UGT2B10: variants seen among roughly 807,000 people sequenced by gnomAD.
UGT2B10 encodes UDP glucuronosyltransferase family 2 member B10.
UGT2B10 carries 51 observed loss-of-function variants against 43.7 expected under a neutral mutation model. The observed-to-expected ratio is 1.17, with a 90% CI of 0.93 to 1.47. The LOEUF (loss-of-function observed/expected upper bound fraction) is 1.47. UGT2B10 is among the 40% of genes most tolerant of loss of function. The pLI is 0.00. For missense variants in UGT2B10, 696 were observed against 617.7 expected (o/e 1.13, Z -1.34); for synonymous variants, 225 against 209.0 (o/e 1.08, Z -0.66).
Position 68,830,629 on chromosome 4 carries a change from G to A in UGT2B10, c.1337G>A (p.Arg446Lys). Reference protein sequence around the residue: ...SYKENIMKLSRIQHDQPVKPL... With the variant: ...SYKENIMKLSKIQHDQPVKPL... Reference sequence around the variant, plus strand: ...AAAGAGAATATTATGAAATTATCAAGAATTCAACATGATCAACCAGTGAAG... The same window carrying A: ...AAAGAGAATATTATGAAATTATCAAAAATTCAACATGATCAACCAGTGAAG... Residue 446 changes from arginine (R) to lysine (K), a missense_variant, in exon 6 of 6, where the codon AGA (arginine) becomes AAA (lysine). Coordinates refer to ENST00000265403, the MANE Select transcript of UGT2B10 (RefSeq NM_001075.6). 6.2e-7 allele frequency: 1 copy of A among 1,612,712 alleles called. No homozygotes were observed. The highest frequency in any genetic ancestry group is 8.5e-7 in the Non-Finnish European group (1 of 1,179,306).
intron 5 of UGT2B10, among the ~76,000 whole-genome samples, 188 bp from the exon 6 acceptor site, chr4:68,830,412 T>C (rs1423355544): frequency 6.6e-6 from 1 of 152,024 alleles, no homozygotes; most frequent in Non-Finnish European, 1.5e-5. Context: ...AAAATATTTG[T>C]CAATGAGAAA....
rs1578269318 is a variant in UGT2B10 at position 68,823,875 on chromosome 4, T to C, written c.999+1473T>C. On this transcript the variant is annotated intron_variant, in intron 3 of 5. Transcript: ENST00000265403. Reference sequence around the variant, plus strand: ...AATAATATGACCAGGAATAAATTTATTTAAGAAATGTAGATGAAGTATCGA... The same window carrying C: ...AATAATATGACCAGGAATAAATTTACTTAAGAAATGTAGATGAAGTATCGA... Among the ~76,000 whole-genome samples, 3 of 152,226 alleles carry C rather than the reference T, an allele frequency of 2.0e-5. No individual in the cohort carries two copies. The East Asian group carries it at 5.8e-4, about 29-fold the overall frequency.
intron 5 of UGT2B10, among the ~76,000 whole-genome samples, chr4:68,829,724 A>G (rs138230926): frequency 0.023 from 3,436 of 152,110 alleles, 63 homozygotes; most frequent in Middle Eastern, 0.062. Flanking sequence ...TAAAATGTGT[A>G]AAGTGCTAAG....
intron 4 of UGT2B10, 27 bp from the exon 5 acceptor site, chr4:68,827,302 A>G: frequency 6.2e-7 from 1 of 1,612,256 alleles, no homozygotes; most frequent in Non-Finnish European, 8.5e-7. Flanking sequence ...CCTATGAATA[A>G]TTTTGCTAAA....
intron 4 of UGT2B10, among the ~76,000 whole-genome samples, chr4:68,827,100 T>G (rs899886559): frequency 6.6e-6 from 1 of 152,066 alleles, no homozygotes; most frequent in African/African-American, 2.4e-5. Flanking sequence ...CTCTTTTTCA[T>G]TAGTCCAACT....
At position 68,822,308 on chromosome 4, in the gene UGT2B10, G is replaced by A; in HGVS notation, c.905G>A (p.Gly302Asp). The A allele has an allele frequency of 6.2e-7, 1 of 1,613,244 alleles. No individual in the cohort carries two copies. The change falls in exon 3 of 6, where the codon GGT becomes GAT. Residue 302 changes from glycine to aspartate, a missense_variant. By Grantham distance (94) the Gly-to-Asp change is moderately conservative (BLOSUM62 -1). Transcript: ENST00000265403. ...TTTGTACAGAGCTCTGGAGAAAATG[G>A]TGTTGTGGTGTTTTCTCTGGGGTCA... is the stretch of plus-strand genomic sequence containing the variant. Reference protein sequence around the residue: ...EEFVQSSGENGVVVFSLGSMV... With the variant: ...EEFVQSSGENDVVVFSLGSMV...
chr4:68,822,615 T>C lies in UGT2B10; in HGVS notation c.999+213T>C, dbSNP rs113779452. On this transcript the variant is annotated intron_variant, in intron 3 of 5. Transcript: ENST00000265403. ...CCTGGGGTAGTTACTACCCTTGGTA[T>C]GCATGAGTGATTCCTATTAGCATCA... Among the ~76,000 whole-genome samples, 1,860 of 152,240 alleles carry C rather than the reference T, an allele frequency of 0.012. 96 individuals are homozygous for C. In the East Asian group the frequency reaches 0.18, roughly 15 times the overall value.
Position 68,831,048 on chromosome 4 carries a change from T to A in UGT2B10, c.*169T>A, listed in dbSNP as rs149891253. On this transcript the variant is annotated 3_prime_UTR_variant, in exon 6 of 6. Coordinates refer to ENST00000265403, the MANE Select transcript of UGT2B10 (RefSeq NM_001075.6). ...GTTTTTCAGAGATTTACCACCCAGTTAATGGTTAGAAATATTCTGTGGCAA... is the reference window on the plus strand; with the variant it reads ...GTTTTTCAGAGATTTACCACCCAGTAAATGGTTAGAAATATTCTGTGGCAA... 1.5e-3 allele frequency: 1,216 copies of A among 836,022 alleles called. 8 individuals carry two copies. In the African/African-American group the frequency reaches 0.019, roughly 13 times the overall value. The allele number at this position is 836,022 out of a possible 1,614,324, so 51.8% of individuals were successfully genotyped here. A position where few individuals can be genotyped will look rare whatever the true frequency, so the allele number is the denominator to read the frequency against.
At chr4:68,826,039 GT>G (rs1409049862) in intron 3 of UGT2B10, among the ~76,000 whole-genome samples, 2 of 151,988 alleles carry the variant, frequency 1.3e-5, no homozygotes, top group Non-Finnish European at 2.9e-5. Flanking sequence ...ATTCTGACTG[GT>G]GTGCGATGTT....
Position 68,817,365 on chromosome 4 carries a change from T to C in UGT2B10, c.718+628T>C, listed in dbSNP as rs1199525983. 2.0e-5 allele frequency among the ~76,000 whole-genome samples: 3 copies of C among 151,982 alleles called. No homozygotes were observed. The East Asian group carries it at 5.8e-4, about 29-fold the overall frequency. On this transcript the variant is annotated intron_variant, in intron 1 of 5. Transcript: ENST00000265403. The stretch of plus-strand genomic sequence containing the variant: ...AAGTGTGAAGGTTGTTATATCTATA[T>C]AGTTTATTTGAAACTATGTCTCTTT...
chr4:68,824,510 A>G (rs1379119794), intron 3 of UGT2B10, among the ~76,000 whole-genome samples: 1 of 152,162 alleles, frequency 6.6e-6, no homozygotes, highest in Non-Finnish European at 1.5e-5. Context: ...AGAACATAGT[A>G]GGAATATATT....
chr4:68,823,283 A>G (rs2054221), intron 3 of UGT2B10, among the ~76,000 whole-genome samples: 141,742 of 152,044 alleles, frequency 0.93, 66,891 homozygotes, highest in East Asian at 1. Context: ...CAAGGCGGGC[A>G]GATCACGAGG....
At chr4:68,825,480 T>C (rs1472400673) in intron 3 of UGT2B10, among the ~76,000 whole-genome samples, 1 of 152,048 alleles carries the variant, frequency 6.6e-6, no homozygotes, top group African/African-American at 2.4e-5. Flanking sequence ...CCTGATCCTC[T>C]CTTTCCTCCC....
chr4:68,822,542 A>G, intron 3 of UGT2B10, 140 bp downstream of exon 3: 2 of 1,536,300 alleles, frequency 1.3e-6, no homozygotes, highest in South Asian at 1.2e-5. Context: ...TATAGCATCC[A>G]CTGACAGAAG....
At position 68,816,676 on chromosome 4, in the gene UGT2B10, T is replaced by C; in HGVS notation, c.657T>C (p.Phe219=). 1 of 1,611,948 alleles carries C rather than the reference T, an allele frequency of 6.2e-7. No individual in the cohort carries two copies. Among genetic ancestry groups the C allele is most frequent in the Non-Finnish European group, 8.5e-7 (1 of 1,178,860 alleles). ...AAAATATGCTCTATGTGCTTTATTT[T>C]GACTTTTGGTTCCAAATATTTAATA... ...RVKNMLYVLY[F]DFWFQIFNMK... is the part of the protein sequence containing the mutation. Residue 219 remains phenylalanine, a synonymous_variant, in exon 1 of 6, where the codon TTT becomes TTC. Transcript: ENST00000265403.
chr4:68,830,713 A>G lies in UGT2B10; in HGVS notation c.1421A>G (p.His474Arg), dbSNP rs760192768. 2 of 1,613,458 alleles carry G rather than the reference A, an allele frequency of 1.2e-6. No homozygotes were observed. Among genetic ancestry groups the G allele is most frequent in the South Asian group, 1.1e-5 (1 of 91,076 alleles). The change falls in exon 6 of 6, where the codon CAT becomes CGT. Residue 474 changes from histidine to arginine, a missense_variant. His to Arg is a conservative substitution (Grantham distance 29). Transcript: ENST00000265403. ...GTCATGCGCCACAAAGGAGCCAAAC[A>G]TCTTCGAGTTGCAGCCCACAACCTC... ...EFVMRHKGAK[H>R]LRVAAHNLTW...
intron 2 of UGT2B10, among the ~76,000 whole-genome samples, chr4:68,821,929 T>C (rs1347323575): frequency 3.4e-5 from 5 of 147,642 alleles, no homozygotes; most frequent in Non-Finnish European, 6.1e-5. Context: ...CAAGGACTTA[T>C]AGTAGCAATT....
In UGT2B10 at chr4:68,818,191, C is replaced by T. The variant is rs755627195; in HGVS notation, c.867+14C>T. On this transcript the variant is annotated intron_variant, in intron 2 of 5. Coordinates refer to ENST00000265403, the MANE Select transcript of UGT2B10 (RefSeq NM_001075.6). Reference sequence around the variant, plus strand: ...CCCCTACCTAAGGTAAACATACTTTCGTTGGTTTTATTTTGTTGGCTTCAA... The same window carrying T: ...CCCCTACCTAAGGTAAACATACTTTTGTTGGTTTTATTTTGTTGGCTTCAA... 5.1e-5 allele frequency: 82 copies of T among 1,605,618 alleles called. 1 individual carries two copies. Among genetic ancestry groups the T allele is most frequent in the African/African-American group, 1.1e-4 (8 of 74,232 alleles).
At position 68,822,379 on chromosome 4, in the gene UGT2B10, G is replaced by A; in HGVS notation, c.976G>A (p.Ala326Thr). 3 of 1,613,698 alleles carry A rather than the reference G, an allele frequency of 1.9e-6. No individual in the cohort carries two copies. The highest frequency in any genetic ancestry group is 2.5e-6 in the Non-Finnish European group (3 of 1,179,810). ...AGAAAGGGCCAACGTAATTGCAACAGCCCTTGCCAAGATCCCACAAAAGGT... is the reference window on the plus strand; with the variant it reads ...AGAAAGGGCCAACGTAATTGCAACAACCCTTGCCAAGATCCCACAAAAGGT... ...TEERANVIATALAKIPQKVLW... is the reference protein window; with the variant it reads ...TEERANVIATTLAKIPQKVLW... The change falls in exon 3 of 6, where the codon GCC becomes ACC. Residue 326 changes from alanine (A) to threonine (T), a missense_variant. By Grantham distance (58) the Ala-to-Thr change is moderately conservative. Coordinates refer to ENST00000265403, the MANE Select transcript of UGT2B10 (RefSeq NM_001075.6).
Sources: allele counts gnomAD v4.1 joint callset (sites outside exome capture counted in the v4.1 genomes callset), GRCh38; gene constraint gnomAD v4.1.1; transcripts MANE v1.5; gene names NCBI Gene and HGNC (gene_info 2026-07-23, HGNC 2026-07-21).